FMO2: variants seen among roughly 807,000 people sequenced by gnomAD.
The protein encoded by FMO2 is flavin-containing monooxygenase 2.
In FMO2, 33 loss-of-function variants were observed where a neutral mutation model predicts 41.6. The ratio of observed to expected loss-of-function variants is 0.79; its 90% confidence interval spans 0.60 to 1.06. The LOEUF (loss-of-function observed/expected upper bound fraction) is 1.06, where lower values mean the gene tolerates loss of function less well. Ranked by LOEUF, FMO2 falls within the 50% of genes least tolerant of loss-of-function variation. The pLI is 0.00. For missense variants in FMO2, 619 were observed against 632.9 expected, an observed-to-expected ratio of 0.98 and a Z score of 0.23; for synonymous variants, 214 against 219.6, an observed-to-expected ratio of 0.97 and a Z score of 0.23.
Position 171,185,724 on chromosome 1 carries a change from A to C in FMO2, c.11A>C (p.Lys4Thr). 1 of 1,613,836 alleles carries C rather than the reference A, an allele frequency of 6.2e-7. No homozygotes were observed. Among genetic ancestry groups the C allele is most frequent in the Non-Finnish European group, 8.5e-7 (1 of 1,179,776 alleles). Residue 4 changes from lysine (K) to threonine (T), a missense_variant, in exon 2 of 9, where the codon AAG (lysine) becomes ACG (threonine). By Grantham distance (78) the Lys-to-Thr change is moderately conservative. Coordinates refer to ENST00000209929, the MANE Select transcript of FMO2 (RefSeq NM_001460.5). ...CCTTGACAGGAGCTGATGGCAAAGA[A>C]GGTAGCTGTGATTGGAGCTGGGGTC... Reference protein sequence around the residue: MAKKVAVIGAGVSG... With the variant: MAKTVAVIGAGVSG...
chr1:171,207,369 T>G (rs920130919), intron 7 of FMO2, among the ~76,000 whole-genome samples: 2 of 152,154 alleles, frequency 1.3e-5, no homozygotes, highest in Non-Finnish European at 2.9e-5. Context: ...AAATCTGATC[T>G]TCTCACTTCA....
chr1:171,205,196 G>T lies in FMO2; in HGVS notation c.828-83G>T, dbSNP rs28369898. The T allele has an allele frequency of 2.3e-3, 1,854 of 790,552 alleles. 24 individuals are homozygous for T. The African/African-American group carries it at 0.029, about 13-fold the overall frequency. The allele number at this position is 790,552 out of a possible 1,614,324, so 49.0% of individuals were successfully genotyped here. On this transcript the variant is annotated intron_variant, in intron 6 of 8. Transcript: ENST00000209929. ...TATTTGAAAAGCCCTTTTATTTTCA[G>T]AGCCGTACCCCAAAAATATCAAGAG...
intron 7 of FMO2, 168 bp from the exon 8 acceptor site, chr1:171,207,550 G>C (rs770121829): frequency 2.2e-5 from 13 of 599,712 alleles, no homozygotes; most frequent in African/African-American, 1.9e-5. Flanking sequence ...CCTGGACAGT[G>C]TCACATAGAG....
At chr1:171,203,592 T>C (rs1403683396) in intron 5 of FMO2, among the ~76,000 whole-genome samples, 2 of 152,046 alleles carry the variant, frequency 1.3e-5, no homozygotes, top group African/African-American at 4.8e-5. Flanking sequence ...ACTGTAAACA[T>C]GGGAAAGACT....
At chr1:171,190,990 A>T (rs12727648) in intron 2 of FMO2, among the ~76,000 whole-genome samples, 1 of 152,122 alleles carries the variant, frequency 6.6e-6, no homozygotes, top group African/African-American at 2.4e-5. Context: ...TACTAAAAAT[A>T]CAAAATTAGC....
intron 6 of FMO2, among the ~76,000 whole-genome samples, chr1:171,204,381 G>C (rs910679340): frequency 1.3e-5 from 2 of 152,136 alleles, no homozygotes; most frequent in African/African-American, 4.8e-5. Flanking sequence ...AGAGGGGTGT[G>C]GTGGGAAACA....
chr1:171,200,359 G>A (rs2102001299), intron 5 of FMO2, among the ~76,000 whole-genome samples: 1 of 152,228 alleles, frequency 6.6e-6, no homozygotes, highest in African/African-American at 2.4e-5. Context: ...TGCAAGGACA[G>A]ACCCAGGCAA....
At chr1:171,185,662 C>T in intron 1 of FMO2, 46 bp from the exon 2 acceptor site, 1 of 1,602,376 alleles carries the variant, frequency 6.2e-7, no homozygotes, top group Non-Finnish European at 8.5e-7. Flanking sequence ...GATTCTCTTA[C>T]CGGTTGTCCC....
At chr1:171,191,033 TA>T (rs1658063781) in intron 2 of FMO2, among the ~76,000 whole-genome samples, 1 of 151,832 alleles carries the variant, frequency 6.6e-6, no homozygotes, top group South Asian at 2.1e-4. Flanking sequence ...TAATCCCAGC[TA>T]CTCAGGAGGC....
chr1:171,207,933 G>A (rs1016818226), intron 8 of FMO2, 143 bp downstream of exon 8: 5 of 616,580 alleles, frequency 8.1e-6, no homozygotes, highest in Non-Finnish European at 1.4e-5. Flanking sequence ...AACTCCGTGT[G>A]TGAGGCTAAA....
chr1:171,185,365 G>C lies in FMO2; in HGVS notation c.-7+6G>C. ...GCCAAAAGGCAAAAACAAAGGTAAG[G>C]ATGATCGCTGGGGAAAGAAGCTGAA... On this transcript the variant is annotated splice_donor_region_variant and intron_variant, in intron 1 of 8. Coordinates refer to ENST00000209929, the MANE Select transcript of FMO2 (RefSeq NM_001460.5). 1 of 169,154 alleles carries C rather than the reference G, an allele frequency of 5.9e-6. No homozygotes were observed. The highest frequency in any genetic ancestry group is 1.3e-5 in the Non-Finnish European group (1 of 78,582). 10.5% of individuals were successfully genotyped at this position (169,154 alleles called of 1,614,324 possible).
chr1:171,193,659 T>A, intron 3 of FMO2, 136 bp downstream of exon 3: 1 of 626,354 alleles, frequency 1.6e-6, no homozygotes. Flanking sequence ...AACAGCCTCA[T>A]ATAAAACCCA....
At chr1:171,202,019 A>G (rs1372635772) in intron 5 of FMO2, among the ~76,000 whole-genome samples, 1 of 152,164 alleles carries the variant, frequency 6.6e-6, no homozygotes, top group Admixed American at 6.5e-5. Context: ...AGTCATTTAC[A>G]TACTTCTGAC....
chr1:171,185,803 C>A lies in FMO2; in HGVS notation c.90C>A (p.Cys30Ter). 2 of 1,613,744 alleles carry A rather than the reference C, an allele frequency of 1.2e-6. No individual in the cohort carries two copies. Among genetic ancestry groups the A allele is most frequent in the South Asian group, 2.2e-5 (2 of 91,064 alleles). The change falls in exon 2 of 9, where the codon TGC becomes TGA. Residue 30 changes from cysteine to a stop codon, truncating the protein, a stop_gained. Coordinates refer to ENST00000209929, the MANE Select transcript of FMO2 (RefSeq NM_001460.5). LOFTEE classifies it high-confidence loss of function. ...TGGATGAGGGACTTGAGCCCACTTG[C>A]TTTGAGAGAACTGAAGATATTGGAG... ...CCVDEGLEPT[C>*]FERTEDIGGV...
At chr1:171,185,569 GACTGGCT>G in intron 1 of FMO2, 132 bp from the exon 2 acceptor site, 1 of 783,856 alleles carries the variant, frequency 1.3e-6, no homozygotes, top group Admixed American at 2.6e-5. Context: ...CAGGATTTTT[GACTGGCT>G]CTTTATTCAA....
chr1:171,197,744 G>C (rs571442245), intron 4 of FMO2, among the ~76,000 whole-genome samples: 1 of 152,276 alleles, frequency 6.6e-6, no homozygotes, highest in South Asian at 2.1e-4. Context: ...GGATTATTGG[G>C]TTACACAGGA....
At chr1:171,189,727 C>T (rs1658004727) in intron 2 of FMO2, among the ~76,000 whole-genome samples, 1 of 143,450 alleles carries the variant, frequency 7.0e-6, no homozygotes, top group South Asian at 2.2e-4. Context: ...AGCGCAATCT[C>T]AGCTCACTGC....
Position 171,208,775 on chromosome 1 carries a change from T to G in FMO2, c.1257-19T>G. 1.9e-6 allele frequency: 3 copies of G among 1,612,070 alleles called. No individual in the cohort carries two copies. The highest frequency in any genetic ancestry group is 2.5e-6 in the Non-Finnish European group (3 of 1,179,018). ...TTAGAACATTCTGTGAACATTCCCT[T>G]TTTACTTTCTTCACTAAGGTTTGGA... On this transcript the variant is annotated intron_variant, in intron 8 of 8. Transcript: ENST00000209929.
chr1:171,209,050 A>C lies in FMO2; in HGVS notation c.1513A>C (p.Lys505Gln). ...ILKPLKTRAL[K>Q]DSSNFSVSFL... ...GAAGCCACTCAAGACTCGGGCCCTGAAGGATTCATCTAATTTCTCAGTTTC... is the reference window on the plus strand; with the variant it reads ...GAAGCCACTCAAGACTCGGGCCCTGCAGGATTCATCTAATTTCTCAGTTTC... Residue 505 changes from lysine to glutamine, a missense_variant, in exon 9 of 9, where the codon AAG becomes CAG. By Grantham distance (53) the Lys-to-Gln change is moderately conservative. Transcript: ENST00000209929. 1 of 1,175,956 alleles carries C rather than the reference A, an allele frequency of 8.5e-7. No homozygotes were observed. The highest frequency in any genetic ancestry group is 1.2e-6 in the Non-Finnish European group (1 of 825,758). The allele number at this position is 1,175,956 out of a possible 1,614,324, so 72.8% of individuals were successfully genotyped here.
Sources: gnomAD v4.1 joint callset for allele counts (sites outside exome capture counted in the v4.1 genomes callset) on GRCh38, gnomAD v4.1.1 for gene constraint, MANE v1.5 for transcripts, NCBI Gene and HGNC (gene_info 2026-07-23, HGNC 2026-07-21) for gene names.